Variants in UGT1A7 observed in about 807,000 individuals in gnomAD.
UGT1A7 encodes the protein UDP-glucuronosyltransferase 1A7.
UGT1A7 carries 33 observed loss-of-function variants against 45.6 expected under a neutral mutation model. That is an observed-to-expected ratio of 0.72 (90% CI 0.55 to 0.97). The LOEUF is 0.97. UGT1A7 is among the 50% of genes least tolerant of loss of function. UGT1A7 has a pLI of 0.00. For synonymous variants in UGT1A7, 274 were observed against 250.6 expected (o/e 1.09, Z -0.88); for missense variants, 684 against 666.2 (o/e 1.03, Z -0.29).
chr2:233,748,008 C>T (rs1238805175), intron 1 of UGT1A7: 21 of 1,613,360 alleles, frequency 1.3e-5, no homozygotes, highest in Non-Finnish European at 1.8e-5. Context: ...GATGGATTAC[C>T]CCAGGCCGAT....
chr2:233,685,319 C>T (rs915845049), intron 1 of UGT1A7, among the ~76,000 whole-genome samples: 2 of 152,088 alleles, frequency 1.3e-5, no homozygotes, highest in South Asian at 4.1e-4. Context: ...AGGTGTGAAC[C>T]ACCACACCCG....
chr2:233,729,985 C>G, intron 1 of UGT1A7: 1 of 1,614,044 alleles, frequency 6.2e-7, no homozygotes. Flanking sequence ...CAGGAAGCCA[C>G]TATCTCAGGT....
chr2:233,771,905 G>A (rs1048759513), intron 4 of UGT1A7, among the ~76,000 whole-genome samples: 1 of 151,250 alleles, frequency 6.6e-6, no homozygotes, highest in Non-Finnish European at 1.5e-5. Flanking sequence ...CCTTTCAGGT[G>A]ATAATAGTAA....
At chr2:233,699,643 C>A (rs953035668) in intron 1 of UGT1A7, among the ~76,000 whole-genome samples, 1 of 152,182 alleles carries the variant, frequency 6.6e-6, no homozygotes, top group African/African-American at 2.4e-5. Context: ...TAGAGCCTAG[C>A]TAGGCCTGAA....
chr2:233,771,891 A>G (rs1700404574), intron 4 of UGT1A7, among the ~76,000 whole-genome samples: 1 of 145,462 alleles, frequency 6.9e-6, no homozygotes, highest in Admixed American at 7.2e-5. Context: ...TTTCTTAATT[A>G]TAACCTTTCA....
chr2:233,722,527 A>G (rs1427229559), intron 1 of UGT1A7, among the ~76,000 whole-genome samples: 1 of 152,148 alleles, frequency 6.6e-6, no homozygotes, highest in African/African-American at 2.4e-5. Context: ...TTTTTGCCTT[A>G]ATGATTTCAT....
intron 1 of UGT1A7, among the ~76,000 whole-genome samples, chr2:233,736,673 G>T (rs780660249): frequency 2.0e-4 from 30 of 152,198 alleles, no homozygotes; most frequent in Non-Finnish European, 3.5e-4. Context: ...TTAGGTCTTT[G>T]ATGTTGGTGA....
intron 1 of UGT1A7, among the ~76,000 whole-genome samples, chr2:233,766,563 T>C (rs533483088): frequency 6.6e-6 from 1 of 152,304 alleles, no homozygotes; most frequent in South Asian, 2.1e-4. Context: ...CCTAGGTCCA[T>C]GGGCACAGGT....
intron 1 of UGT1A7, among the ~76,000 whole-genome samples, chr2:233,689,284 G>A (rs2074934855): frequency 6.6e-6 from 1 of 152,118 alleles, no homozygotes; most frequent in African/African-American, 2.4e-5. Context: ...AACTAAACTG[G>A]GGTTCACTCA....
At chr2:233,749,097 G>C (rs753925486) in intron 1 of UGT1A7, among the ~76,000 whole-genome samples, 1 of 151,770 alleles carries the variant, frequency 6.6e-6, no homozygotes, top group Non-Finnish European at 1.5e-5. Context: ...TATTTCATGA[G>C]AGAATTCAGC....
Position 233,747,808 on chromosome 2 carries a change from C to T in UGT1A7, c.856-19226C>T, listed in dbSNP as rs1432471540. On this transcript the variant is annotated intron_variant, in intron 1 of 4. Coordinates refer to ENST00000373426, the MANE Select transcript of UGT1A7 (RefSeq NM_019077.3). ...TCCTCCTATATTCCTAAGTTACTAA[C>T]GACCAATTCAGACCACATGACATTC... 6.0e-5 allele frequency: 96 copies of T among 1,613,386 alleles called. No individual in the cohort carries two copies. In the South Asian group the frequency reaches 8.3e-4, roughly 14 times the overall value.
chr2:233,728,016 G>A (rs912712884), intron 1 of UGT1A7, among the ~76,000 whole-genome samples: 1 of 152,236 alleles, frequency 6.6e-6, no homozygotes, highest in African/African-American at 2.4e-5. Flanking sequence ...GCACATGTGG[G>A]AGTGACTTTC....
intron 1 of UGT1A7, among the ~76,000 whole-genome samples, chr2:233,684,425 C>T (rs2074679890): frequency 6.6e-6 from 1 of 152,212 alleles, no homozygotes; most frequent in South Asian, 2.1e-4. Context: ...GCCTCACCCT[C>T]TAGCCAAGTG....
At chr2:233,729,184 C>T (rs1420145173) in intron 1 of UGT1A7, 1 of 1,613,974 alleles carries the variant, frequency 6.2e-7, no homozygotes, top group East Asian at 2.2e-5. Context: ...GCTGCTTCTC[C>T]TCAGTGTCCA....
At chr2:233,746,036 T>C (rs1289078597) in intron 1 of UGT1A7, among the ~76,000 whole-genome samples, 1 of 151,694 alleles carries the variant, frequency 6.6e-6, no homozygotes, top group South Asian at 2.1e-4. Context: ...ACTTACTTGC[T>C]GGCTTGGATG....
chr2:233,729,082 G>T (rs2077787378), intron 1 of UGT1A7: 1 of 1,612,130 alleles, frequency 6.2e-7, no homozygotes, highest in Admixed American at 1.7e-5. Flanking sequence ...AATGTAGCAG[G>T]CACAGCGTGG....
chr2:233,743,050 C>G (rs577515653), intron 1 of UGT1A7: 2 of 317,988 alleles, frequency 6.3e-6, no homozygotes, highest in African/African-American at 2.2e-5. Flanking sequence ...CCGTGTAGTC[C>G]CAACGATAAG....
Position 233,767,934 on chromosome 2 carries a change from T to C in UGT1A7, c.1073T>C (p.Leu358Pro). 6.2e-7 allele frequency: 1 copy of C among 1,614,184 alleles called. No homozygotes were observed. Among genetic ancestry groups the C allele is most frequent in the Non-Finnish European group, 8.5e-7 (1 of 1,180,038 alleles). The stretch of plus-strand genomic sequence containing the variant: ...AAGTGGCTACCCCAAAACGATCTGC[T>C]TGGTATGTTGGGCGGATTGGATGTA... ...LVKWLPQNDL[L>P]GHPMTRAFIT... The change falls in exon 3 of 5, where the codon CTT becomes CCT. Residue 358 changes from leucine to proline, a missense_variant and splice_region_variant. Leu to Pro is a moderately conservative substitution (Grantham distance 98). Transcript: ENST00000373426.
At chr2:233,723,218 T>A (rs573450645) in intron 1 of UGT1A7, among the ~76,000 whole-genome samples, 28 of 123,768 alleles carry the variant, frequency 2.3e-4, no homozygotes, top group Admixed American at 2.1e-3. Context: ...ACTGACTTTT[T>A]TTTTTTTTTT....
Sources: gnomAD v4.1 joint callset for allele counts (sites outside exome capture counted in the v4.1 genomes callset) on GRCh38, gnomAD v4.1.1 for gene constraint, MANE v1.5 for transcripts, NCBI Gene and HGNC (gene_info 2026-07-23, HGNC 2026-07-21) for gene names.